LHFPL2: variants seen among roughly 807,000 people sequenced by gnomAD.
LHFPL2 encodes the protein LHFPL tetraspan subfamily member 2 protein.
In LHFPL2, 7 loss-of-function variants were observed where a neutral mutation model predicts 17.5. The ratio of observed to expected loss-of-function variants is 0.40; its 90% CI spans 0.23 to 0.75. The LOEUF is 0.75. Among genes scored for constraint, LHFPL2 ranks in the 30% least tolerant of loss-of-function variants. LHFPL2 has a pLI of 0.37. For synonymous variants in LHFPL2, 134 were observed against 116.2 expected (o/e 1.15, Z -0.99); for missense variants, 241 against 294.8 (o/e 0.82, Z 1.34).
intron 3 of LHFPL2, among the ~76,000 whole-genome samples, chr5:78,552,517 T>C (rs1325516614): frequency 6.6e-6 from 1 of 152,232 alleles, no homozygotes; most frequent in Non-Finnish European, 1.5e-5. Context: ...ATTTAGCTGC[T>C]TAACGTAATA....
At chr5:78,517,703 G>A (rs745438019) in intron 3 of LHFPL2, among the ~76,000 whole-genome samples, 6 of 152,162 alleles carry the variant, frequency 3.9e-5, no homozygotes, top group Non-Finnish European at 7.3e-5. Flanking sequence ...TCGCCCCCAT[G>A]ATTCAATTAC....
At chr5:78,609,741 A>G (rs1744353563) in intron 2 of LHFPL2, among the ~76,000 whole-genome samples, 1 of 152,074 alleles carries the variant, frequency 6.6e-6, no homozygotes, top group Non-Finnish European at 1.5e-5. Context: ...ACTTTTACCT[A>G]TTCTTTGAAT....
In LHFPL2 at chr5:78,638,410, A is replaced by C. The variant is rs1745539546; in HGVS notation, c.-349-6042T>G. ...AAAAAACATAAAAAAGGAGGCAGTA[A>C]GTTCTGATTGTGTCTCACATTCTCA... On this transcript the variant is annotated intron_variant, in intron 1 of 4. Coordinates refer to ENST00000380345, the MANE Select transcript of LHFPL2 (RefSeq NM_005779.3). 3.9e-5 allele frequency among the ~76,000 whole-genome samples: 6 copies of C among 152,306 alleles called. No individual in the cohort carries two copies. In the South Asian group the frequency reaches 1.2e-3, roughly 32 times the overall value.
chr5:78,623,810 A>G (rs1232616946), intron 2 of LHFPL2, among the ~76,000 whole-genome samples: 3 of 152,234 alleles, frequency 2.0e-5, no homozygotes, highest in East Asian at 1.9e-4. Context: ...TGCACACAGT[A>G]TATTTTGGGT....
chr5:78,526,481 GTCT>G (rs1389455442), intron 3 of LHFPL2, among the ~76,000 whole-genome samples: 5 of 152,312 alleles, frequency 3.3e-5, no homozygotes, highest in South Asian at 2.1e-4. Context: ...TGTCTTTGCG[GTCT>G]TCTTCTGAAC....
At chr5:78,545,626 A>T (rs978249991) in intron 3 of LHFPL2, among the ~76,000 whole-genome samples, 5 of 152,210 alleles carry the variant, frequency 3.3e-5, no homozygotes, top group Non-Finnish European at 7.3e-5. Flanking sequence ...GTGGAGGCCG[A>T]TCATTCGAGC....
intron 3 of LHFPL2, among the ~76,000 whole-genome samples, chr5:78,527,578 G>A (rs925825920): frequency 2.0e-5 from 3 of 151,570 alleles, no homozygotes; most frequent in Non-Finnish European, 4.4e-5. Context: ...TTGTGTTCAC[G>A]AACTTTGTAT....
At chr5:78,490,970 C>CCA (rs1754425694) in intron 4 of LHFPL2, 1 of 152,140 alleles carries the variant, frequency 6.6e-6, no homozygotes, top group Non-Finnish European at 1.5e-5. Flanking sequence ...TGGGTTTACC[C>CCA]CACCAAAGCT....
chr5:78,599,318 G>A (rs534816012), intron 2 of LHFPL2, among the ~76,000 whole-genome samples: 53 of 151,980 alleles, frequency 3.5e-4, no homozygotes, highest in African/African-American at 1.2e-3. Context: ...AGGGGGTTGC[G>A]GACAGAGTTT....
At position 78,487,515 on chromosome 5, in the gene LHFPL2, T is replaced by G. The variant is rs1381029776; in HGVS notation, c.*1382A>C. ...CTCACTTTCTTAAAGTGCTAAGGAGTGTTTCTGTATCATGATACAATTTTG... is the reference window on the plus strand; with the variant it reads ...CTCACTTTCTTAAAGTGCTAAGGAGGGTTTCTGTATCATGATACAATTTTG... On this transcript the variant is annotated 3_prime_UTR_variant, in exon 5 of 5. Transcript: ENST00000380345. 1 of 152,008 alleles carries G rather than the reference T, an allele frequency of 6.6e-6. No individual in the cohort carries two copies. The highest frequency in any genetic ancestry group is 1.5e-5 in the Non-Finnish European group (1 of 68,020). 9.4% of individuals were successfully genotyped at this position (152,008 alleles called of 1,614,324 possible).
In LHFPL2 at chr5:78,487,844, A is replaced by G. The variant is rs1754298770; in HGVS notation, c.*1053T>C. 6.6e-6 allele frequency: 1 copy of G among 152,222 alleles called. No individual in the cohort carries two copies. The highest frequency in any genetic ancestry group is 2.4e-5 in the African/African-American group (1 of 41,442). The allele number at this position is 152,222 out of a possible 1,614,324, so 9.4% of individuals were successfully genotyped here. On this transcript the variant is annotated 3_prime_UTR_variant, in exon 5 of 5. Coordinates refer to ENST00000380345, the MANE Select transcript of LHFPL2 (RefSeq NM_005779.3). ...TCTGCTTTCAGGATCAACACCAGTAACTACAAAAACTTAACTCCCATAACT... is the reference window on the plus strand; with the variant it reads ...TCTGCTTTCAGGATCAACACCAGTAGCTACAAAAACTTAACTCCCATAACT...
rs1217635359 is a variant in LHFPL2 at position 78,487,675 on chromosome 5, T to TTTGA, written c.*1218_*1221dup. On this transcript the variant is annotated 3_prime_UTR_variant, in exon 5 of 5. Transcript: ENST00000380345. ...CCCTGAATCCTTATTCATAGTGGTA[T>TTTGA]TTGATTCTTTTTGTAAACAGGTGTA... 2 of 152,172 alleles carry TTTGA rather than the reference T, an allele frequency of 1.3e-5. No homozygotes were observed. Among genetic ancestry groups the TTTGA allele is most frequent in the African/African-American group, 2.4e-5 (1 of 41,446 alleles). The allele number at this position is 152,172 out of a possible 1,614,324, so 9.4% of individuals were successfully genotyped here.
At chr5:78,584,617 C>T (rs935590233) in intron 2 of LHFPL2, among the ~76,000 whole-genome samples, 1 of 152,172 alleles carries the variant, frequency 6.6e-6, no homozygotes, top group African/African-American at 2.4e-5. Context: ...GTCAGGGACC[C>T]ACTTGAGGAG....
intron 2 of LHFPL2, among the ~76,000 whole-genome samples, chr5:78,596,623 C>T (rs773848944): frequency 2.6e-5 from 4 of 152,132 alleles, no homozygotes; most frequent in South Asian, 2.1e-4. Flanking sequence ...AAAAGTGTCA[C>T]GTGCCTGTCT....
Position 78,557,433 on chromosome 5 carries a change from T to C in LHFPL2, c.-186+7380A>G, listed in dbSNP as rs981478398. On this transcript the variant is annotated intron_variant, in intron 3 of 4. Transcript: ENST00000380345. ...TGCACTGTATCTTTCCAATCCACAG[T>C]CACTCCATGAATGCTAGGAGAAAAA... Among the ~76,000 whole-genome samples the C allele has an allele frequency of 3.3e-5, 5 of 152,258 alleles. No individual in the cohort carries two copies. The Middle Eastern group carries it at 0.01, about 311-fold the overall frequency.
At chr5:78,519,766 C>A (rs1367132477) in intron 3 of LHFPL2, among the ~76,000 whole-genome samples, 1 of 152,268 alleles carries the variant, frequency 6.6e-6, no homozygotes, top group Non-Finnish European at 1.5e-5. Flanking sequence ...CCTCCCCGTC[C>A]CTTGACCCGG....
At chr5:78,619,573 C>T (rs1156447876) in intron 2 of LHFPL2, among the ~76,000 whole-genome samples, 1 of 145,596 alleles carries the variant, frequency 6.9e-6, no homozygotes, top group Non-Finnish European at 1.5e-5. Context: ...CATATGTATA[C>T]ATGTGCCATG....
intron 2 of LHFPL2, among the ~76,000 whole-genome samples, chr5:78,582,731 A>G (rs370714018): frequency 5.9e-5 from 9 of 152,044 alleles, no homozygotes; most frequent in East Asian, 5.8e-4. Flanking sequence ...TGGAATAGGT[A>G]TGGTGTGGTG....
chr5:78,489,057 G>A lies in LHFPL2; in HGVS notation c.527C>T (p.Pro176Leu), dbSNP rs147772798. 6 of 1,614,116 alleles carry A rather than the reference G, an allele frequency of 3.7e-6. No individual in the cohort carries two copies. The African/African-American group carries it at 4.0e-5, about 11-fold the overall frequency. Residue 176 changes from proline to leucine, a missense_variant, in exon 5 of 5, where the codon CCT (proline) becomes CTT (leucine). Pro to Leu is a moderately conservative substitution (Grantham distance 98, BLOSUM62 -3). Transcript: ENST00000380345. ...YCGHYASAYK[P>L]GDCSLGWAFY... Reference sequence around the variant, plus strand: ...GGCCCAGCCCAAGGAGCAGTCTCCAGGTTTGTAGGCAGATGCATAATGTCC... The same window carrying A: ...GGCCCAGCCCAAGGAGCAGTCTCCAAGTTTGTAGGCAGATGCATAATGTCC...
Sources: gnomAD v4.1 joint callset for allele counts (sites outside exome capture counted in the v4.1 genomes callset) on GRCh38, gnomAD v4.1.1 for gene constraint, MANE v1.5 for transcripts, NCBI Gene and HGNC (gene_info 2026-07-23, HGNC 2026-07-21) for gene names.